GRIK4: variants seen among roughly 807,000 people sequenced by gnomAD.
GRIK4 encodes the protein glutamate ionotropic receptor kainate type subunit 4, also known as glutamate receptor ionotropic, kainate 4.
In GRIK4, 40 loss-of-function variants were observed where a neutral mutation model predicts 104.9. The observed-to-expected ratio is 0.38, with a 90% CI of 0.30 to 0.50. The LOEUF (loss-of-function observed/expected upper bound fraction) is 0.50. Ranked by LOEUF, GRIK4 falls within the 20% of genes least tolerant of loss-of-function variation. The pLI is 0.93. For missense variants in GRIK4, 1,047 were observed against 1,308.1 expected (o/e 0.80, Z 3.08); for synonymous variants, 485 against 524.9 (o/e 0.92, Z 1.04).
intron 1 of GRIK4, among the ~76,000 whole-genome samples, chr11:120,525,587 G>C (rs1189821844): frequency 6.6e-6 from 1 of 152,212 alleles, no homozygotes; most frequent in Non-Finnish European, 1.5e-5. Context: ...ATAGCAGGCA[G>C]TCAACACACA....
At chr11:120,591,861 C>T (rs747088511) in intron 1 of GRIK4, among the ~76,000 whole-genome samples, 4 of 152,214 alleles carry the variant, frequency 2.6e-5, no homozygotes, top group Non-Finnish European at 5.9e-5. Context: ...TCCCTCCCTC[C>T]TCTTCTGTAT....
intron 9 of GRIK4, among the ~76,000 whole-genome samples, chr11:120,864,388 CCGCCACCG>C: frequency 6.6e-6 from 1 of 151,932 alleles, no homozygotes; most frequent in Non-Finnish European, 1.5e-5. Context: ...CTACAGGTGC[CCGCCACCG>C]TGCCTGGCTA....
At chr11:120,720,488 G>A (rs573049946) in intron 3 of GRIK4, among the ~76,000 whole-genome samples, 1 of 152,308 alleles carries the variant, frequency 6.6e-6, no homozygotes, top group Non-Finnish European at 1.5e-5. Context: ...GCCTCCAGAT[G>A]CCAGGCCTGG....
intron 3 of GRIK4, among the ~76,000 whole-genome samples, chr11:120,671,144 A>G (rs1002560304): frequency 6.6e-6 from 1 of 152,146 alleles, no homozygotes; most frequent in African/African-American, 2.4e-5. Context: ...GCTGTTGTGA[A>G]TAGTGCTGCA....
chr11:120,535,047 G>A (rs904871581), intron 1 of GRIK4, among the ~76,000 whole-genome samples: 1 of 152,204 alleles, frequency 6.6e-6, no homozygotes, highest in Non-Finnish European at 1.5e-5. Context: ...GGCTCTCCTG[G>A]GGGAAGCCCT....
intron 11 of GRIK4, among the ~76,000 whole-genome samples, chr11:120,889,229 G>A (rs948897278): frequency 2.6e-5 from 4 of 152,048 alleles, no homozygotes; most frequent in African/African-American, 7.3e-5. Context: ...TTACTCCCTC[G>A]TGCCAAGGTG....
At chr11:120,760,274 C>T (rs913550969) in intron 3 of GRIK4, among the ~76,000 whole-genome samples, 9 of 151,076 alleles carry the variant, frequency 6.0e-5, no homozygotes, top group African/African-American at 1.9e-4. Flanking sequence ...ATTCACTTAG[C>T]ATATTGTTCT....
intron 6 of GRIK4, among the ~76,000 whole-genome samples, chr11:120,830,995 C>T (rs1355617385): frequency 2.6e-5 from 4 of 151,992 alleles, no homozygotes; most frequent in Non-Finnish European, 5.9e-5. Flanking sequence ...CCCCTCCTCC[C>T]ACCAGGGCCC....
chr11:120,640,556 A>T (rs929832742), intron 1 of GRIK4, among the ~76,000 whole-genome samples: 3 of 152,194 alleles, frequency 2.0e-5, no homozygotes, highest in African/African-American at 7.2e-5. Flanking sequence ...ATCACCATCA[A>T]ATTGCCCTTG....
At chr11:120,545,866 G>A (rs1948080980) in intron 1 of GRIK4, among the ~76,000 whole-genome samples, 1 of 152,232 alleles carries the variant, frequency 6.6e-6, no homozygotes, top group African/African-American at 2.4e-5. Flanking sequence ...ACTGAGAACT[G>A]CGGAGGCCTG....
At chr11:120,630,027 C>T (rs978730205) in intron 1 of GRIK4, among the ~76,000 whole-genome samples, 3 of 152,200 alleles carry the variant, frequency 2.0e-5, no homozygotes, top group Admixed American at 1.3e-4. Flanking sequence ...GAGAGAGGGG[C>T]ACTGTGGACA....
chr11:120,611,260 C>A (rs1291572281), intron 1 of GRIK4, among the ~76,000 whole-genome samples: 1 of 152,148 alleles, frequency 6.6e-6, no homozygotes, highest in Non-Finnish European at 1.5e-5. Flanking sequence ...AATCCTAGCT[C>A]TGCTGATTAC....
chr11:120,683,279 G>A (rs571951043), intron 3 of GRIK4, among the ~76,000 whole-genome samples: 1 of 152,182 alleles, frequency 6.6e-6, no homozygotes, highest in Non-Finnish European at 1.5e-5. Flanking sequence ...TTTTGAAGTT[G>A]AACTGACTAG....
chr11:120,986,619 T>A lies in GRIK4; in HGVS notation c.*359T>A, dbSNP rs1181192094. Reference sequence around the variant, plus strand: ...TGAATTGGTGGAATCATCAGTTGAATTTCCCCCTAGTCAGGGGCCAATGTA... The same window carrying A: ...TGAATTGGTGGAATCATCAGTTGAAATTCCCCCTAGTCAGGGGCCAATGTA... On this transcript the variant is annotated 3_prime_UTR_variant, in exon 21 of 21. Transcript: ENST00000527524. 1 of 200,298 alleles carries A rather than the reference T, an allele frequency of 5.0e-6. No individual in the cohort carries two copies. The allele number at this position is 200,298 out of a possible 1,614,324, so 12.4% of individuals were successfully genotyped here. A position where few individuals can be genotyped will look rare whatever the true frequency, so the allele number is the denominator to read the frequency against.
chr11:120,570,635 C>A (rs1370722758), intron 1 of GRIK4, among the ~76,000 whole-genome samples: 1 of 152,046 alleles, frequency 6.6e-6, no homozygotes, highest in Non-Finnish European at 1.5e-5. Context: ...TTTGTTATTA[C>A]TTGTAGAGAC....
intron 13 of GRIK4, among the ~76,000 whole-genome samples, chr11:120,937,351 A>G (rs1211699366): frequency 6.6e-6 from 1 of 152,176 alleles, no homozygotes; most frequent in Non-Finnish European, 1.5e-5. Flanking sequence ...AATGTCTTTG[A>G]CTAGGTAAAA....
intron 8 of GRIK4, among the ~76,000 whole-genome samples, chr11:120,854,707 G>A (rs1019071017): frequency 2.6e-5 from 4 of 152,192 alleles, no homozygotes; most frequent in Admixed American, 6.5e-5. Flanking sequence ...CTAATAAGGA[G>A]TCTGTATCAT....
chr11:120,572,306 A>C (rs775300195), intron 1 of GRIK4, among the ~76,000 whole-genome samples: 15 of 152,256 alleles, frequency 9.9e-5, no homozygotes, highest in Middle Eastern at 3.4e-3. Flanking sequence ...GAGGGATGAC[A>C]CAAACATTCA....
chr11:120,743,264 CT>C (rs922985465), intron 3 of GRIK4, among the ~76,000 whole-genome samples: 1 of 151,616 alleles, frequency 6.6e-6, no homozygotes, highest in Non-Finnish European at 1.5e-5. Flanking sequence ...GAGATTATGT[CT>C]TTTGCAGGAA....
Sources: gnomAD v4.1 joint callset for allele counts (sites outside exome capture counted in the v4.1 genomes callset) on GRCh38, gnomAD v4.1.1 for gene constraint, MANE v1.5 for transcripts, NCBI Gene and HGNC (gene_info 2026-07-23, HGNC 2026-07-21) for gene names.